The following USP34 variants were observed in gnomAD, a reference collection of about 807,000 sequenced individuals.
USP34 encodes ubiquitin specific peptidase 34, also known as ubiquitin carboxyl-terminal hydrolase 34.
A neutral mutation model predicts 460.3 loss-of-function variants in USP34; 70 were observed. The observed-to-expected ratio is 0.15, with a 90% CI of 0.13 to 0.19. USP34 has a LOEUF of 0.19. Ranked by LOEUF, USP34 falls within the 10% of genes least tolerant of loss-of-function variation. The pLI is 1.00. For missense variants in USP34, 3,985 were observed against 4,236.2 expected (o/e 0.94, Z 1.65); for synonymous variants, 1,647 against 1,405.3 (o/e 1.17, Z -3.85).
intron 62 of USP34, 31 bp downstream of exon 62, chr2:61,227,034 TGC>T: frequency 6.4e-7 from 1 of 1,560,800 alleles, no homozygotes; most frequent in Non-Finnish European, 8.6e-7. Context: ...AAACCAAACA[TGC>T]TTTAAACATT....
intron 1 of USP34, among the ~76,000 whole-genome samples, chr2:61,468,196 GT>G (rs1053567926): frequency 1.4e-4 from 22 of 151,986 alleles, no homozygotes; most frequent in Non-Finnish European, 3.1e-4. Context: ...TAAAAAAAAT[GT>G]TTTTTGAGAC....
intron 69 of USP34, among the ~76,000 whole-genome samples, chr2:61,209,968 G>T (rs1687227893): frequency 6.6e-6 from 1 of 151,978 alleles, no homozygotes. Context: ...AATATGAAAA[G>T]CTTATAAAGA....
intron 1 of USP34, among the ~76,000 whole-genome samples, chr2:61,451,992 G>A (rs913035170): frequency 6.6e-6 from 1 of 151,848 alleles, no homozygotes; most frequent in Non-Finnish European, 1.5e-5. Flanking sequence ...TGGCTAACAC[G>A]GTGAAACCCG....
At position 61,293,265 on chromosome 2, in the gene USP34, A is replaced by T. The variant is rs1342472445; in HGVS notation, c.4548+199T>A. Among the ~76,000 whole-genome samples the T allele has an allele frequency of 2.6e-5, 4 of 152,272 alleles. No homozygotes were observed. In the East Asian group the frequency reaches 7.7e-4, roughly 29 times the overall value. On this transcript the variant is annotated intron_variant, in intron 33 of 79. Coordinates refer to ENST00000398571, the MANE Select transcript of USP34 (RefSeq NM_014709.4). ...AGTTTAGAGTAATTAATTTTATCAG[A>T]AGAATTTTTTAATACTGATAACATG...
At chr2:61,281,689 G>A (rs1257983601) in intron 37 of USP34, among the ~76,000 whole-genome samples, 1 of 151,892 alleles carries the variant, frequency 6.6e-6, no homozygotes, top group Non-Finnish European at 1.5e-5. Context: ...AGTATCTCAA[G>A]GTATACCATA....
At chr2:61,432,207 C>T (rs192542820) in intron 1 of USP34, among the ~76,000 whole-genome samples, 20 of 151,526 alleles carry the variant, frequency 1.3e-4, no homozygotes, top group Non-Finnish European at 1.6e-4. Flanking sequence ...AATGTAGTGA[C>T]ATTTTCCTGT....
In USP34 at chr2:61,214,150, C is replaced by G. The variant is rs754691036; in HGVS notation, c.8592G>C (p.Gln2864His). 1.9e-6 allele frequency: 3 copies of G among 1,614,112 alleles called. No individual in the cohort carries two copies. Among genetic ancestry groups the G allele is most frequent in the Non-Finnish European group, 2.5e-6 (3 of 1,180,044 alleles). ...YYGILRLCCE[Q>H]SPAFTRQLAS... ...CCAGTTGTCGTGTGAATGCAGGAGA[C>G]TGCTCACAGCAGAGCCTCAGAATGC... Residue 2864 changes from glutamine (Q) to histidine (H), a missense_variant, in exon 68 of 80, where the codon CAG becomes CAC. Transcript: ENST00000398571.
At chr2:61,300,312 C>T (rs1314715414) in intron 29 of USP34, among the ~76,000 whole-genome samples, 16 of 151,884 alleles carry the variant, frequency 1.1e-4, no homozygotes, top group Non-Finnish European at 4.4e-5. Flanking sequence ...CATCCTCTTC[C>T]CCATTCTCCT....
rs1300118491 is a variant in USP34, at chr2:61,405,788, A to G, written c.472T>C (p.Leu158=). The G allele has an allele frequency of 5.0e-6, 8 of 1,608,758 alleles. No individual in the cohort carries two copies. The highest frequency in any genetic ancestry group is 8.5e-7 in the Non-Finnish European group (1 of 1,178,690). Residue 158 remains leucine, a synonymous_variant, in exon 3 of 80, where the codon TTA becomes CTA. Transcript: ENST00000398571. The part of the protein sequence containing the change: ...LWSTDEKEKL[L]LCVAKIFQIQ... ...TGAAAAATTTTTGCCACACATAGTA[A>G]GAGTTTTTCCTTCTCATCTGTACTC...
intron 41 of USP34, among the ~76,000 whole-genome samples, chr2:61,274,042 T>C (rs186881553): frequency 4.6e-5 from 7 of 151,806 alleles, no homozygotes; most frequent in South Asian, 2.1e-4. Flanking sequence ...ACACAGTATC[T>C]AGTAGCTGTA....
intron 10 of USP34, among the ~76,000 whole-genome samples, chr2:61,369,453 A>T (rs1692541698): frequency 1.3e-5 from 2 of 151,604 alleles, no homozygotes; most frequent in African/African-American, 2.4e-5. Context: ...GACCAGCCTG[A>T]CCAACATAGC....
rs530323116 is a variant in USP34 at position 61,293,126 on chromosome 2, A to C, written c.4548+338T>G. Among the ~76,000 whole-genome samples the C allele has an allele frequency of 6.0e-4, 92 of 152,170 alleles. No individual in the cohort carries two copies. The South Asian group carries it at 0.018, about 30-fold the overall frequency. On this transcript the variant is annotated intron_variant, in intron 33 of 79. Transcript: ENST00000398571. ...GATCACAACAAAATAAAACAAAAAA[A>C]GTTTTTTGAAAAAACTAAGATGTAA...
chr2:61,463,413 T>A (rs1444284185), intron 1 of USP34, among the ~76,000 whole-genome samples: 1 of 152,228 alleles, frequency 6.6e-6, no homozygotes, highest in Non-Finnish European at 1.5e-5. Flanking sequence ...GAATTCCTAC[T>A]ACAATTATCA....
At chr2:61,298,302 A>C (rs1160376215) in intron 29 of USP34, among the ~76,000 whole-genome samples, 1 of 147,856 alleles carries the variant, frequency 6.8e-6, no homozygotes, top group Non-Finnish European at 1.5e-5. Context: ...TGGGCGGATC[A>C]CAAGGTCAGG....
chr2:61,341,030 G>GC (rs1420032988), intron 16 of USP34, among the ~76,000 whole-genome samples: 1 of 152,122 alleles, frequency 6.6e-6, no homozygotes, highest in Non-Finnish European at 1.5e-5. Flanking sequence ...TGATTGAGGA[G>GC]CTTTCTTTCC....
chr2:61,380,107 A>G, intron 7 of USP34, 62 bp downstream of exon 7: 1 of 1,421,566 alleles, frequency 7.0e-7, no homozygotes, highest in Non-Finnish European at 9.6e-7. Flanking sequence ...AATAGTGGGT[A>G]GTATTATGAT....
Position 61,350,333 on chromosome 2 carries a change from A to G in USP34, c.1434T>C (p.Ala478=). 2 of 1,613,842 alleles carry G rather than the reference A, an allele frequency of 1.2e-6. No individual in the cohort carries two copies. Among genetic ancestry groups the G allele is most frequent in the Non-Finnish European group, 1.7e-6 (2 of 1,179,856 alleles). ...IKALWNNALA[A]KAQLSKQSSF... is the part of the protein sequence containing the mutation. ...AACTCTGTTTAGATAACTGAGCCTT[A>G]GCTGCTAGTGCGTTATTCCACAGTG... The change falls in exon 12 of 80, where the codon GCT becomes GCC. Residue 478 remains alanine (A), a synonymous_variant. Coordinates refer to ENST00000398571, the MANE Select transcript of USP34 (RefSeq NM_014709.4).
chr2:61,357,206 A>G (rs1170214327), intron 10 of USP34, among the ~76,000 whole-genome samples: 1 of 152,210 alleles, frequency 6.6e-6, no homozygotes, highest in Non-Finnish European at 1.5e-5. Context: ...AAGTCTCAAC[A>G]GATATTAAAA....
chr2:61,427,083 A>AGTG (rs1470862538), intron 1 of USP34, among the ~76,000 whole-genome samples: 1 of 152,218 alleles, frequency 6.6e-6, no homozygotes, highest in Non-Finnish European at 1.5e-5. Context: ...GCTGGAGTGC[A>AGTG]GTGGCACGAT....
Sources: gnomAD v4.1 joint callset for allele counts (sites outside exome capture counted in the v4.1 genomes callset) on GRCh38, gnomAD v4.1.1 for gene constraint, MANE v1.5 for transcripts, NCBI Gene and HGNC (gene_info 2026-07-23, HGNC 2026-07-21) for gene names.